Variants in INSL6 observed in about 807,000 individuals in gnomAD.
INSL6 encodes insulin-like peptide INSL6.
INSL6 carries 16 observed loss-of-function variants against 9.4 expected under a neutral mutation model. The ratio of observed to expected loss-of-function variants is 1.70; its 90% CI spans 1.15 to 2.59. The LOEUF is 2.59. Ranked by LOEUF, INSL6 falls within the 30% of genes most tolerant of loss-of-function variation. The pLI, the probability that INSL6 is intolerant of heterozygous loss-of-function variation, is 0.00. For synonymous variants in INSL6, 154 were observed against 96.9 expected (o/e 1.59, Z -3.46); for missense variants, 391 against 257.3 (o/e 1.52, Z -3.56).
intron 2 of INSL6, among the ~76,000 whole-genome samples, chr9:5,139,752 G>C (rs888077553): frequency 3.3e-5 from 5 of 152,172 alleles, no homozygotes; most frequent in African/African-American, 1.2e-4. Context: ...AGCCAGGCTA[G>C]AGCCCAGCTC....
chr9:5,088,814 C>CT, the INSL6 span, among the ~76,000 whole-genome samples: 1 of 152,188 alleles, frequency 6.6e-6, no homozygotes, highest in Non-Finnish European at 1.5e-5. Context: ...TATAAGGGCA[C>CT]TAGCCTTGTC....
chr9:5,112,133 T>C, the INSL6 span: 39 of 311,254 alleles, frequency 1.3e-4, no homozygotes, highest in African/African-American at 7.1e-4. Flanking sequence ...AGCCACGCCA[T>C]GGGCACGGCT....
At chr9:5,077,036 TTATGTC>T in the INSL6 span, among the ~76,000 whole-genome samples, 1 of 151,996 alleles carries the variant, frequency 6.6e-6, no homozygotes. Flanking sequence ...AAATTCTCCT[TTATGTC>T]TATAGTACTA....
intron 3 of INSL6, among the ~76,000 whole-genome samples, chr9:5,129,737 T>C (rs891337433): frequency 1.3e-5 from 2 of 152,174 alleles, no homozygotes; most frequent in Non-Finnish European, 2.9e-5. Context: ...CGTTTCATAA[T>C]TCTCACAGTG....
the INSL6 span, chr9:5,111,978 TC>T: frequency 2.0e-5 from 7 of 349,542 alleles, no homozygotes; most frequent in East Asian, 8.1e-5. Flanking sequence ...CGCCGTGGGC[TC>T]CCCCCAGGGC....
the INSL6 span, chr9:5,099,500 T>C: frequency 6.6e-6 from 1 of 152,202 alleles, no homozygotes; most frequent in Admixed American, 6.5e-5. Context: ...AAATTTCATT[T>C]ATATTATCCC....
chr9:4,997,047 G>T, the INSL6 span, among the ~76,000 whole-genome samples: 6 of 148,874 alleles, frequency 4.0e-5, no homozygotes, highest in Admixed American at 6.8e-5. Context: ...TCCTACCTCA[G>T]CCTCCTGAGT....
chr9:5,080,803 T>G, the INSL6 span: 7 of 635,598 alleles, frequency 1.1e-5, no homozygotes, highest in Non-Finnish European at 1.8e-5. Flanking sequence ...GCCCTCTTAA[T>G]TTCTTATGTT....
intron 1 of INSL6, among the ~76,000 whole-genome samples, chr9:5,171,257 T>C (rs890215298): frequency 6.6e-6 from 1 of 152,220 alleles, no homozygotes; most frequent in South Asian, 2.1e-4. Context: ...TTTCAATAGA[T>C]GCAGAAAAGA....
the INSL6 span, among the ~76,000 whole-genome samples, chr9:5,053,589 GA>G: frequency 1.3e-5 from 2 of 151,988 alleles, no homozygotes; most frequent in African/African-American, 2.4e-5. Flanking sequence ...AGTTTCTCTT[GA>G]AATAATGGAA....
At chr9:5,008,961 G>C in the INSL6 span, among the ~76,000 whole-genome samples, 1 of 151,984 alleles carries the variant, frequency 6.6e-6, no homozygotes, top group Middle Eastern at 3.2e-3. Context: ...AGTTTGTCTT[G>C]ACTGTCTTCC....
the INSL6 span, chr9:5,072,635 G>A: frequency 1.9e-6 from 3 of 1,582,470 alleles, no homozygotes; most frequent in East Asian, 6.8e-5. Flanking sequence ...AGGTGTGTAT[G>A]TTCTTTATAT....
At chr9:5,029,928 C>G in the INSL6 span, 1 of 1,565,714 alleles carries the variant, frequency 6.4e-7, no homozygotes, top group Non-Finnish European at 8.6e-7. Flanking sequence ...AGTAAAGTAA[C>G]TCACTTAATG....
At chr9:5,010,714 T>C in the INSL6 span, among the ~76,000 whole-genome samples, 19 of 152,354 alleles carry the variant, frequency 1.2e-4, no homozygotes, top group Admixed American at 7.2e-4. Flanking sequence ...TTCCTTTCTG[T>C]AAACCTGAGT....
chr9:5,133,496 G>A (rs557960150), exon 3 of INSL6: 2 of 153,924 alleles, frequency 1.3e-5, no homozygotes, highest in African/African-American at 4.8e-5. Flanking sequence ...GCTTCCAGAG[G>A]AAGGAACAGG....
intron 3 of INSL6, among the ~76,000 whole-genome samples, chr9:5,128,376 T>G (rs192919928): frequency 3.9e-5 from 6 of 151,930 alleles, no homozygotes; most frequent in Admixed American, 3.9e-4. Context: ...GATTTTAGAT[T>G]TTTTTGAAAG....
chr9:5,027,773 A>G, the INSL6 span, among the ~76,000 whole-genome samples: 3 of 152,230 alleles, frequency 2.0e-5, no homozygotes, highest in African/African-American at 7.2e-5. Context: ...TTCCATCTCA[A>G]GAAACCACTT....
the INSL6 span, among the ~76,000 whole-genome samples, chr9:5,065,629 A>G: frequency 6.6e-6 from 1 of 152,230 alleles, no homozygotes; most frequent in South Asian, 2.1e-4. Context: ...TTAAATAGCT[A>G]CATGTGGCTA....
At chr9:5,164,623 T>C (rs1825007575) in intron 1 of INSL6, among the ~76,000 whole-genome samples, 1 of 152,222 alleles carries the variant, frequency 6.6e-6, no homozygotes, top group African/African-American at 2.4e-5. Flanking sequence ...CCTATGCCCA[T>C]TAGCAGTCAT....
Sources: allele counts gnomAD v4.1 joint callset (sites outside exome capture counted in the v4.1 genomes callset), GRCh38; gene constraint gnomAD v4.1.1; transcripts MANE v1.5; gene names NCBI Gene and HGNC (gene_info 2026-07-23, HGNC 2026-07-21).